MAP7D2: variants seen among roughly 807,000 people sequenced by gnomAD.
MAP7D2 encodes MAP7 domain-containing protein 2.
In MAP7D2, 33 loss-of-function variants were observed where a neutral mutation model predicts 63.5. That is an observed-to-expected ratio of 0.52 (90% confidence interval 0.39 to 0.70). The LOEUF (loss-of-function observed/expected upper bound fraction) is 0.70, where lower values mean the gene tolerates loss of function less well. Among genes scored for constraint, MAP7D2 ranks in the 30% least tolerant of loss-of-function variants. The pLI is 0.00. For missense variants in MAP7D2, 626 were observed against 604.0 expected (o/e 1.04, Z -0.38); for synonymous variants, 224 against 223.7 (o/e 1.00, Z -0.01).
At chrX:20,116,309 T>C (rs1299573828) in intron 1 of MAP7D2, among the ~76,000 whole-genome samples, 1 of 112,911 alleles carries the variant, frequency 8.9e-6, no homozygotes, top group Non-Finnish European at 1.9e-5. Context: ...TGGGCCACCT[T>C]CGCCGCGGGC....
At chrX:20,024,864 T>C (rs1429684383) in intron 10 of MAP7D2, 87 bp downstream of exon 10, 17 of 1,061,601 alleles carry the variant, frequency 1.6e-5, no homozygotes, top group Non-Finnish European at 2.0e-5. Context: ...GTTTTATCAA[T>C]ACCAACGCTG....
At chrX:20,083,320 T>C (rs1363850663) in intron 1 of MAP7D2, among the ~76,000 whole-genome samples, 1 of 112,167 alleles carries the variant, frequency 8.9e-6, no homozygotes, top group East Asian at 2.8e-4. Context: ...TACAAGCTTC[T>C]CTTTTGGCCA....
At chrX:20,049,415 G>T (rs2064887184) in intron 6 of MAP7D2, among the ~76,000 whole-genome samples, 1 of 108,766 alleles carries the variant, frequency 9.2e-6, no homozygotes, top group African/African-American at 3.4e-5. Context: ...GGGATTACAG[G>T]TGTGCACCAC....
intron 1 of MAP7D2, among the ~76,000 whole-genome samples, chrX:20,078,830 A>G (rs1198767793): frequency 9.1e-6 from 1 of 109,875 alleles, no homozygotes; most frequent in Non-Finnish European, 1.9e-5. Flanking sequence ...CACCATGTCT[A>G]CTACCACAGT....
intron 10 of MAP7D2, among the ~76,000 whole-genome samples, chrX:20,016,826 A>C (rs910593524): frequency 4.4e-5 from 5 of 112,642 alleles, no homozygotes. Flanking sequence ...TGACTTATGA[A>C]GCAGCAAATG....
intron 1 of MAP7D2, among the ~76,000 whole-genome samples, chrX:20,089,512 C>T (rs1391791350): frequency 8.9e-6 from 1 of 112,401 alleles, no homozygotes; most frequent in East Asian, 2.8e-4. Context: ...CTAGTCCTTG[C>T]TACTCAGAAG....
At chrX:20,101,496 ACT>A (rs1340085407) in intron 1 of MAP7D2, among the ~76,000 whole-genome samples, 7 of 112,326 alleles carry the variant, frequency 6.2e-5, no homozygotes, top group African/African-American at 2.3e-4. Flanking sequence ...GGTTACAAAC[ACT>A]CTTTATATAG....
intron 1 of MAP7D2, among the ~76,000 whole-genome samples, chrX:20,096,429 CAAAAAAAA>C (rs775218484): frequency 1.2e-4 from 5 of 40,117 alleles, no homozygotes; most frequent in Non-Finnish European, 2.3e-4. Context: ...GACCTTGTCT[CAAAAAAAA>C]AAAAAAAAAA....
chrX:20,021,608 C>T (rs2073646500), intron 10 of MAP7D2: 2 of 111,596 alleles, frequency 1.8e-5, no homozygotes, highest in South Asian at 3.8e-4. Context: ...TTTTTACCTA[C>T]ACCCCCAACC....
At chrX:20,082,235 A>G (rs1171933763) in intron 1 of MAP7D2, among the ~76,000 whole-genome samples, 1 of 112,342 alleles carries the variant, frequency 8.9e-6, no homozygotes, top group Admixed American at 9.5e-5. Context: ...AGGAAAAAAA[A>G]TCACTCTTTT....
chrX:20,035,996 T>C, intron 8 of MAP7D2, among the ~76,000 whole-genome samples: 2 of 110,077 alleles, frequency 1.8e-5, no homozygotes, highest in Non-Finnish European at 3.8e-5. Flanking sequence ...TCTTCAACAT[T>C]TTCGACTTCA....
intron 7 of MAP7D2, among the ~76,000 whole-genome samples, chrX:20,043,010 T>C (rs1443907257): frequency 8.9e-6 from 1 of 111,856 alleles, no homozygotes; most frequent in South Asian, 3.7e-4. Context: ...TGGCCCCTGA[T>C]GGTATACATG....
chrX:20,094,492 A>ATATATATATATATATATATATATG (rs1182018691), intron 1 of MAP7D2, among the ~76,000 whole-genome samples: 1 of 13,730 alleles, frequency 7.3e-5, no homozygotes, highest in Non-Finnish European at 1.4e-4. Context: ...ACATACATAT[A>ATATATATATATATATATATATATG]TATATATATA....
At chrX:20,083,660 T>C (rs1204460244) in intron 1 of MAP7D2, among the ~76,000 whole-genome samples, 1 of 111,929 alleles carries the variant, frequency 8.9e-6, no homozygotes, top group Non-Finnish European at 1.9e-5. Flanking sequence ...ATACATACAT[T>C]TCTATTATAG....
Position 20,025,796 on chromosome X carries a change from C to T in MAP7D2, c.1164G>A (p.Leu388=). The change falls in exon 9 of 17, where the codon TTG becomes TTA. Residue 388 remains leucine, a synonymous_variant. Coordinates refer to ENST00000379643, the MANE Select transcript of MAP7D2 (RefSeq NM_001168465.2). ...EKSNKEREGT[L]AQQAAGPQGE... ...CTTGCGGGCCAGCAGCCTGCTGAGC[C>T]AAGGTACCTTCCCTTTCCTTGTTGC... The T allele has an allele frequency of 8.3e-7, 1 of 1,211,973 alleles. No individual in the cohort carries two copies. The highest frequency in any genetic ancestry group is 2.3e-4 in the Middle Eastern group (1 of 4,348).
intron 1 of MAP7D2, chrX:20,116,440 G>A: frequency 2.3e-6 from 1 of 434,199 alleles, no homozygotes; most frequent in South Asian, 1.2e-4. Flanking sequence ...CCTCGAGGAC[G>A]GGGACTGGAC....
intron 10 of MAP7D2, among the ~76,000 whole-genome samples, chrX:20,017,912 C>A (rs1172896976): frequency 5.4e-5 from 6 of 110,184 alleles, no homozygotes; most frequent in Non-Finnish European, 9.5e-5. Flanking sequence ...AATGTATAAG[C>A]TACTTCATAA....
rs1185098031 is a variant in MAP7D2 at position 20,094,553 on chromosome X, TATATATATATATATAC to T, written c.130+22181_130+22196del. 2.1e-3 allele frequency among the ~76,000 whole-genome samples: 24 copies of T among 11,573 alleles called. 4 individuals carry two copies. The highest frequency in any genetic ancestry group is 6.6e-3 in the East Asian group (2 of 301). 10.0% of individuals were successfully genotyped at this position (11,573 alleles called of 115,157 possible). A position where few individuals can be genotyped will look rare whatever the true frequency, so the allele number is the denominator to read the frequency against. ...ATATATATATATATGTATATATATA[TATATATATATATATAC>T]ATATATATGTATATATATATATATT... is the stretch of plus-strand genomic sequence containing the variant. On this transcript the variant is annotated intron_variant, in intron 1 of 16. Coordinates refer to ENST00000379643, the MANE Select transcript of MAP7D2 (RefSeq NM_001168465.2).
In MAP7D2 at chrX:20,034,314, C is replaced by CAGGGGCAG. The variant is rs1275882090; in HGVS notation, c.1007+8180_1007+8187dup. Among the ~76,000 whole-genome samples, 6 of 106,810 alleles carry CAGGGGCAG rather than the reference C, an allele frequency of 5.6e-5. No homozygotes were observed. The East Asian group carries it at 1.7e-3, about 31-fold the overall frequency. The allele number at this position is 106,810 out of a possible 115,157, so 92.8% of individuals were successfully genotyped here. ...CCTGTAACCTGAGCACTTTGGGAGGCAGGGGCAGGTGGGTCATTTGAGCTC... is the reference window on the plus strand; with the variant it reads ...CCTGTAACCTGAGCACTTTGGGAGGCAGGGGCAGAGGGGCAGGTGGGTCATTTGAGCTC... On this transcript the variant is annotated intron_variant, in intron 8 of 16. Transcript: ENST00000379643.
Sources: allele counts gnomAD v4.1 joint callset (sites outside exome capture counted in the v4.1 genomes callset), GRCh38; gene constraint gnomAD v4.1.1; transcripts MANE v1.5; gene names NCBI Gene and HGNC (gene_info 2026-07-23, HGNC 2026-07-21).